LRBA: variants seen among roughly 807,000 people sequenced by gnomAD.
LRBA encodes the protein lipopolysaccharide-responsive and beige-like anchor protein.
A neutral mutation model predicts 330.0 loss-of-function variants in LRBA; 176 were observed. That is an observed-to-expected ratio of 0.53 (90% CI 0.47 to 0.60). The LOEUF is 0.60. Among genes scored for constraint, LRBA ranks in the 20% least tolerant of loss-of-function variants. The probability of loss-of-function intolerance (pLI) is 0.00; values close to 1 mark genes in which losing one functional copy is unlikely to be tolerated. For missense variants in LRBA, 3,259 were observed against 3,444.8 expected (o/e 0.95, Z 1.35); for synonymous variants, 1,230 against 1,193.0 (o/e 1.03, Z -0.64).
intron 22 of LRBA, among the ~76,000 whole-genome samples, chr4:150,866,867 T>C (rs1752765139): frequency 6.6e-6 from 1 of 151,950 alleles, no homozygotes; most frequent in Non-Finnish European, 1.5e-5. Context: ...TTACCTTAAG[T>C]GCAAACATAA....
At chr4:150,807,271 C>T (rs1742932684) in intron 32 of LRBA, among the ~76,000 whole-genome samples, 1 of 152,076 alleles carries the variant, frequency 6.6e-6, no homozygotes, top group Non-Finnish European at 1.5e-5. Context: ...CTGAAACTAT[C>T]AACACAAACA....
chr4:150,265,852 G>A (rs1352800554), intron 56 of LRBA, 40 bp from the exon 57 acceptor site: 1 of 1,262,968 alleles, frequency 7.9e-7, no homozygotes, highest in East Asian at 2.3e-5. Context: ...ACAAACCTGT[G>A]TGTCCTAGAG....
chr4:150,350,157 G>C lies in LRBA; in HGVS notation c.7197C>G (p.Ala2399=). 1 of 1,558,574 alleles carries C rather than the reference G, an allele frequency of 6.4e-7. No homozygotes were observed. The highest frequency in any genetic ancestry group is 1.2e-5 in the South Asian group (1 of 81,874). ...SEEFVHINRL[A]LESEFVSCQL... ...GGCAGGAAACAAATTCACTCTCCAG[G>C]GCCTGAAAAAAGGTATACATTGTAT... Residue 2399 remains alanine, a splice_region_variant and synonymous_variant, in exon 48 of 57, where the codon GCC becomes GCG. Coordinates refer to ENST00000651943, the MANE Select transcript of LRBA (RefSeq NM_001364905.1).
At chr4:150,754,557 T>G (rs903502223) in intron 35 of LRBA, among the ~76,000 whole-genome samples, 37 of 128,118 alleles carry the variant, frequency 2.9e-4, no homozygotes, top group African/African-American at 7.1e-4. Context: ...GAGAGAGAGA[T>G]AAAGTCTCTG....
chr4:150,442,402 A>C (rs940923065), intron 44 of LRBA, among the ~76,000 whole-genome samples: 2 of 152,186 alleles, frequency 1.3e-5, no homozygotes, highest in Non-Finnish European at 1.5e-5. Context: ...GAGTGAAGAA[A>C]AGTTGTCAAA....
At chr4:150,477,763 C>T (rs1309158658) in intron 42 of LRBA, among the ~76,000 whole-genome samples, 2 of 151,928 alleles carry the variant, frequency 1.3e-5, no homozygotes, top group African/African-American at 2.4e-5. Context: ...GACAACCCCC[C>T]TCCCCGCTTC....
At chr4:150,660,401 G>A (rs1228285992) in intron 37 of LRBA, among the ~76,000 whole-genome samples, 8 of 140,718 alleles carry the variant, frequency 5.7e-5, no homozygotes, top group Non-Finnish European at 7.9e-5. Flanking sequence ...GGAGGTGAGG[G>A]GCGCCTCTGC....
chr4:150,844,649 T>A lies in LRBA; in HGVS notation c.4461+9A>T, dbSNP rs1411155507. ...TGCTTTTTGAAAATTAATTAATCTG[T>A]ATACTTACCTTCGCTGCAGATTTCC... On this transcript the variant is annotated intron_variant, in intron 27 of 56. Transcript: ENST00000651943. 1 of 1,608,716 alleles carries A rather than the reference T, an allele frequency of 6.2e-7. No homozygotes were observed. The highest frequency in any genetic ancestry group is 1.7e-5 in the Admixed American group (1 of 59,182).
At position 150,426,092 on chromosome 4, in the gene LRBA, TA is replaced by T. The variant is rs1428996840; in HGVS notation, c.7041+9496del. On this transcript the variant is annotated intron_variant, in intron 46 of 56. Transcript: ENST00000651943. ...TTTTGTTAGCCCATAATAAAACTTT[TA>T]AAAAATTCACTAGAGATCAAGAACA... is the stretch of plus-strand genomic sequence containing the variant. 2.6e-5 allele frequency among the ~76,000 whole-genome samples: 4 copies of T among 152,144 alleles called. 1 individual carries two copies. In the East Asian group the frequency reaches 7.7e-4, roughly 29 times the overall value.
intron 40 of LRBA, among the ~76,000 whole-genome samples, chr4:150,586,732 AT>A (rs1275077233): frequency 2.0e-5 from 3 of 152,162 alleles, no homozygotes; most frequent in Non-Finnish European, 4.4e-5. Flanking sequence ...AATCTCACAC[AT>A]TGGCAGAGAT....
At chr4:150,933,786 A>G (rs1039648074) in intron 2 of LRBA, among the ~76,000 whole-genome samples, 5 of 152,014 alleles carry the variant, frequency 3.3e-5, no homozygotes, top group African/African-American at 4.8e-5. Flanking sequence ...CCGAGAGAGC[A>G]GATCAGTTGC....
Position 150,282,569 on chromosome 4 carries a change from T to A in LRBA, c.8197A>T (p.Lys2733Ter). 6.2e-7 allele frequency: 1 copy of A among 1,614,058 alleles called. No homozygotes were observed. The highest frequency in any genetic ancestry group is 8.5e-7 in the Non-Finnish European group (1 of 1,179,902). The change falls in exon 55 of 57, where the codon AAA (lysine) becomes TAA (stop). Residue 2733 changes from lysine to a stop codon, truncating the protein, a stop_gained. Transcript: ENST00000651943. LOFTEE classifies it high-confidence loss of function. Reference sequence around the variant, plus strand: ...CCCTCTCTTGAAGCCTGAATGAGTTTTGGTTTCAGGCAGTTTTCAGGACCC... The same window carrying A: ...CCCTCTCTTGAAGCCTGAATGAGTTATGGTTTCAGGCAGTTTTCAGGACCC... ...LEGPENCLKP[K>*]LIQASREGHC...
chr4:150,424,848 G>A (rs956334223), intron 46 of LRBA, among the ~76,000 whole-genome samples: 33 of 152,200 alleles, frequency 2.2e-4, no homozygotes, highest in African/African-American at 7.7e-4. Flanking sequence ...ATGAAATGAC[G>A]TTATTTGAGG....
chr4:150,850,887 C>G lies in LRBA; in HGVS notation c.3841G>C (p.Glu1281Gln). ...GGTGCTATTCCTTGCCCTGGCTGCTCATGTTGCCTTGATATCTAATACAGA... is the reference window on the plus strand; with the variant it reads ...GGTGCTATTCCTTGCCCTGGCTGCTGATGTTGCCTTGATATCTAATACAGA... Reference protein sequence around the residue: ...RHVLEISRQHEQPGQGIAPDA... With the variant: ...RHVLEISRQHQQPGQGIAPDA... The change falls in exon 24 of 57, where the codon GAG (glutamate) becomes CAG (glutamine). Residue 1281 changes from glutamate (E) to glutamine (Q), a missense_variant. Physicochemically the swap from Glu to Gln is conservative, Grantham distance 29. Coordinates refer to ENST00000651943, the MANE Select transcript of LRBA (RefSeq NM_001364905.1). 1 of 1,608,824 alleles carries G rather than the reference C, an allele frequency of 6.2e-7. No individual in the cohort carries two copies. The highest frequency in any genetic ancestry group is 8.5e-7 in the Non-Finnish European group (1 of 1,178,292).
intron 40 of LRBA, among the ~76,000 whole-genome samples, chr4:150,528,763 A>G (rs1037793764): frequency 2.0e-5 from 3 of 152,182 alleles, no homozygotes. Flanking sequence ...AAAAGGGGTT[A>G]GCAAAGAAAA....
intron 2 of LRBA, among the ~76,000 whole-genome samples, chr4:150,972,450 C>T (rs2149588263): frequency 6.6e-6 from 1 of 152,200 alleles, no homozygotes; most frequent in African/African-American, 2.4e-5. Flanking sequence ...CTGAAAGTAA[C>T]ATAAATCAAC....
chr4:150,380,286 C>T (rs1439845817), intron 47 of LRBA, among the ~76,000 whole-genome samples: 1 of 152,172 alleles, frequency 6.6e-6, no homozygotes, highest in Non-Finnish European at 1.5e-5. Flanking sequence ...AGGGATCACT[C>T]AACTGTATTC....
chr4:150,449,522 GAAA>G (rs767614620), intron 44 of LRBA, among the ~76,000 whole-genome samples: 1 of 106,574 alleles, frequency 9.4e-6, no homozygotes, highest in Non-Finnish European at 2.0e-5. Context: ...TCTACTTCTG[GAAA>G]AAAAAAAAAA....
chr4:150,458,016 C>G (rs755103171), intron 44 of LRBA, among the ~76,000 whole-genome samples: 11 of 151,846 alleles, frequency 7.2e-5, no homozygotes, highest in Non-Finnish European at 1.5e-4. Flanking sequence ...GTAATATTAA[C>G]CACAATCCAT....
Sources: allele counts gnomAD v4.1 joint callset (sites outside exome capture counted in the v4.1 genomes callset), GRCh38; gene constraint gnomAD v4.1.1; transcripts MANE v1.5; gene names NCBI Gene and HGNC (gene_info 2026-07-23, HGNC 2026-07-21).